Variants in PBX4 observed in about 807,000 individuals in gnomAD.
The protein encoded by PBX4 is PBX homeobox 4, also known as pre-B-cell leukemia transcription factor 4.
PBX4 carries 26 observed loss-of-function variants against 35.1 expected under a neutral mutation model. That is an observed-to-expected ratio of 0.74 (90% CI 0.54 to 1.03). PBX4 has a LOEUF of 1.03. PBX4 is among the 50% of genes least tolerant of loss of function. The pLI is 0.00. For missense variants in PBX4, 448 were observed against 504.3 expected, an observed-to-expected ratio of 0.89 and a Z score of 1.07; for synonymous variants, 199 against 204.2, an observed-to-expected ratio of 0.97 and a Z score of 0.22.
chr19:19,595,228 G>A (rs977012963), intron 2 of PBX4, among the ~76,000 whole-genome samples: 1 of 152,028 alleles, frequency 6.6e-6, no homozygotes, highest in African/African-American at 2.4e-5. Flanking sequence ...ATTTTTATTA[G>A]GTGAAAAGTG....
intron 2 of PBX4, among the ~76,000 whole-genome samples, chr19:19,577,262 G>A (rs2061425670): frequency 6.6e-6 from 1 of 152,002 alleles, no homozygotes; most frequent in Admixed American, 6.6e-5. Flanking sequence ...ACTCTTCATG[G>A]GGTATGCATT....
chr19:19,603,235 C>G (rs934659451), intron 1 of PBX4, among the ~76,000 whole-genome samples: 1 of 152,148 alleles, frequency 6.6e-6, no homozygotes, highest in Non-Finnish European at 1.5e-5. Flanking sequence ...TGTGTGTCAT[C>G]TTACCATACC....
At chr19:19,575,693 G>T (rs1420669254) in intron 2 of PBX4, among the ~76,000 whole-genome samples, 1 of 152,084 alleles carries the variant, frequency 6.6e-6, no homozygotes, top group African/African-American at 2.4e-5. Context: ...ACATCATGCT[G>T]CTCTTTTGTT....
At chr19:19,566,678 C>T (rs2144701962) in intron 5 of PBX4, among the ~76,000 whole-genome samples, 1 of 149,794 alleles carries the variant, frequency 6.7e-6, no homozygotes, top group Non-Finnish European at 1.5e-5. Context: ...GCACGTGCTA[C>T]CAAGCCTGGC....
At chr19:19,609,857 A>C (rs1266020833) in intron 1 of PBX4, among the ~76,000 whole-genome samples, 2 of 152,074 alleles carry the variant, frequency 1.3e-5, no homozygotes, top group Non-Finnish European at 1.5e-5. Context: ...TCTCAAAAAA[A>C]CTAAAGAAAG....
intron 2 of PBX4, among the ~76,000 whole-genome samples, chr19:19,579,071 C>G (rs935228383): frequency 6.6e-6 from 1 of 152,122 alleles, no homozygotes; most frequent in Non-Finnish European, 1.5e-5. Flanking sequence ...CCAGTCTGGG[C>G]CGGGCGTGGT....
chr19:19,600,103 C>T (rs536686367), intron 1 of PBX4, among the ~76,000 whole-genome samples: 3 of 151,932 alleles, frequency 2.0e-5, no homozygotes, highest in African/African-American at 7.2e-5. Flanking sequence ...GATTGTGCCA[C>T]TGTACTCCAG....
intron 1 of PBX4, 114 bp from the exon 2 acceptor site, chr19:19,599,479 C>A (rs1254920143): frequency 2.4e-6 from 2 of 841,794 alleles, no homozygotes; most frequent in Non-Finnish European, 4.0e-6. Context: ...GCCACTCTGA[C>A]TGTAGATAAG....
At chr19:19,565,342 T>C (rs1699188336) in intron 5 of PBX4, among the ~76,000 whole-genome samples, 1 of 152,210 alleles carries the variant, frequency 6.6e-6, no homozygotes, top group African/African-American at 2.4e-5. Context: ...TGGATGTTGC[T>C]GGAACCTGAA....
intron 1 of PBX4, among the ~76,000 whole-genome samples, chr19:19,617,993 C>A (rs546062799): frequency 6.6e-6 from 1 of 152,176 alleles, no homozygotes; most frequent in South Asian, 2.1e-4. Context: ...CCTGTCTCTA[C>A]AAAATATACA....
At chr19:19,587,955 C>T (rs1319700951) in intron 2 of PBX4, 2 of 410,936 alleles carry the variant, frequency 4.9e-6, no homozygotes, top group East Asian at 5.1e-5. Context: ...GGGTGGCAAG[C>T]TGCCAGTACA....
At chr19:19,569,656 G>C (rs1389078003) in intron 4 of PBX4, 72 bp from the exon 5 acceptor site, 1 of 1,522,174 alleles carries the variant, frequency 6.6e-7, no homozygotes. Flanking sequence ...CTAGTTCTGA[G>C]TATGATTTTC....
chr19:19,562,267 A>G lies in PBX4; in HGVS notation c.1033-150T>C, dbSNP rs765848771. 9.2e-5 allele frequency: 54 copies of G among 588,000 alleles called. No homozygotes were observed. The highest frequency in any genetic ancestry group is 1.5e-4 in the Non-Finnish European group (50 of 339,772). The allele number at this position is 588,000 out of a possible 1,614,324, so 36.4% of individuals were successfully genotyped here. ...TCCAGCTCAGTGGAGGAGGGAAGGG[A>G]TGGAGGGGTCGGTCCTGGGTCACAG... On this transcript the variant is annotated intron_variant, in intron 7 of 7. Transcript: ENST00000251203. The surrounding 1 kb of genome is among the most constrained non-coding windows in gnomAD (Gnocchi z 4.8).
intron 2 of PBX4, among the ~76,000 whole-genome samples, chr19:19,588,600 C>G (rs1371076549): frequency 6.6e-6 from 1 of 152,104 alleles, no homozygotes; most frequent in Non-Finnish European, 1.5e-5. Flanking sequence ...AAGAAATGCT[C>G]TAATTTCAAA....
chr19:19,612,314 AAG>A (rs2040437418), intron 1 of PBX4, among the ~76,000 whole-genome samples: 1 of 152,174 alleles, frequency 6.6e-6, no homozygotes, highest in Non-Finnish European at 1.5e-5. Context: ...CCCAGGTTTG[AAG>A]AGAGAGCTAT....
Position 19,564,693 on chromosome 19 carries a change from A to T in PBX4, c.925+240T>A, listed in dbSNP as rs148613395. On this transcript the variant is annotated intron_variant, in intron 6 of 7. Coordinates refer to ENST00000251203, the MANE Select transcript of PBX4 (RefSeq NM_025245.3). Reference sequence around the variant, plus strand: ...TGGGATTACAGGTGTGAGCCACCGCACCCAGACCTTTCATGTCTTTTCTTA... The same window carrying T: ...TGGGATTACAGGTGTGAGCCACCGCTCCCAGACCTTTCATGTCTTTTCTTA... 8.3e-4 allele frequency: 445 copies of T among 536,244 alleles called. 8 individuals carry two copies. In the East Asian group the frequency reaches 0.014, roughly 16 times the overall value. 33.2% of individuals were successfully genotyped at this position (536,244 alleles called of 1,614,324 possible).
chr19:19,579,923 GC>G (rs1435627699), intron 2 of PBX4: 1 of 152,364 alleles, frequency 6.6e-6, no homozygotes, highest in Non-Finnish European at 1.5e-5. Flanking sequence ...GATCGTGGAG[GC>G]TGAGCCTCCT....
chr19:19,573,370 C>CACAT (rs869050370), intron 2 of PBX4, among the ~76,000 whole-genome samples: 25 of 138,100 alleles, frequency 1.8e-4, no homozygotes, highest in African/African-American at 6.8e-4. Flanking sequence ...CACACACACA[C>CACAT]ATATAGGATA....
intron 5 of PBX4, among the ~76,000 whole-genome samples, chr19:19,565,608 CTTAATT>C (rs769287510): frequency 7.9e-5 from 12 of 152,110 alleles, no homozygotes; most frequent in Non-Finnish European, 1.8e-4. Context: ...ATATATTTTT[CTTAATT>C]TTAATTAAAA....
Sources: allele counts gnomAD v4.1 joint callset (sites outside exome capture counted in the v4.1 genomes callset), GRCh38; gene constraint gnomAD v4.1.1; non-coding constraint Gnocchi (gnomAD v3.1); transcripts MANE v1.5; gene names NCBI Gene and HGNC (gene_info 2026-07-23, HGNC 2026-07-21).